Variants in TOX observed in about 807,000 individuals in gnomAD.
TOX encodes thymocyte selection associated high mobility group box.
Under a neutral mutation model 53.7 loss-of-function variants are expected in TOX, and 11 were observed. The ratio of observed to expected loss-of-function variants is 0.20; its 90% CI spans 0.13 to 0.34. TOX has a LOEUF of 0.34. TOX is among the 10% of genes least tolerant of loss of function. The probability of loss-of-function intolerance (pLI) is 1.00; values close to 1 mark genes in which losing one functional copy is unlikely to be tolerated. For synonymous variants in TOX, 225 were observed against 245.3 expected (o/e 0.92, Z 0.77); for missense variants, 570 against 664.6 (o/e 0.86, Z 1.56).
chr8:59,039,327 C>G (rs1803531448), intron 1 of TOX, among the ~76,000 whole-genome samples: 1 of 152,162 alleles, frequency 6.6e-6, no homozygotes, highest in Non-Finnish European at 1.5e-5. Flanking sequence ...AAATATTTTC[C>G]AATCTTCTAA....
intron 4 of TOX, among the ~76,000 whole-genome samples, chr8:58,849,817 C>T (rs1810780103): frequency 6.6e-6 from 1 of 152,146 alleles, no homozygotes; most frequent in Admixed American, 6.5e-5. Flanking sequence ...TAGTACATAT[C>T]ATCTGTGTTT....
At chr8:58,868,830 A>G (rs552968812) in intron 3 of TOX, among the ~76,000 whole-genome samples, 76 of 151,632 alleles carry the variant, frequency 5.0e-4, no homozygotes, top group African/African-American at 1.8e-3. Context: ...AAATTAGAGG[A>G]GGATTCAATG....
intron 1 of TOX, among the ~76,000 whole-genome samples, chr8:59,062,349 C>T (rs1170015341): frequency 6.6e-6 from 1 of 152,194 alleles, no homozygotes; most frequent in East Asian, 1.9e-4. Context: ...AAGAACATGT[C>T]CAAATGAATC....
intron 4 of TOX, among the ~76,000 whole-genome samples, chr8:58,847,028 G>C (rs989494368): frequency 5.9e-5 from 9 of 152,062 alleles, no homozygotes; most frequent in Admixed American, 1.3e-4. Context: ...ACTCTATGTG[G>C]GTGGTCTGAA....
chr8:59,026,917 A>G (rs993904608), intron 1 of TOX, among the ~76,000 whole-genome samples: 12 of 140,700 alleles, frequency 8.5e-5, no homozygotes, highest in Admixed American at 3.5e-4. Context: ...AAAAAAAAAA[A>G]CCAAACCAGT....
intron 1 of TOX, among the ~76,000 whole-genome samples, chr8:58,980,229 G>A (rs1451933482): frequency 6.6e-6 from 1 of 152,122 alleles, no homozygotes; most frequent in Non-Finnish European, 1.5e-5. Flanking sequence ...GAAAGAAAGA[G>A]AGACAATCTG....
At position 58,817,843 on chromosome 8, in the gene TOX, AAT is replaced by A. The variant is rs201616066; in HGVS notation, c.1006-2121_1006-2120del. 5.2e-3 allele frequency among the ~76,000 whole-genome samples: 793 copies of A among 152,290 alleles called. 8 individuals carry two copies. Among genetic ancestry groups the A allele is most frequent in the African/African-American group, 0.018 (747 of 41,552 alleles). On this transcript the variant is annotated intron_variant, in intron 6 of 8. Coordinates refer to ENST00000361421, the MANE Select transcript of TOX (RefSeq NM_014729.3). ...CATTCTTGTATGATCAAAAGTAGAA[AAT>A]ATGTGTAACTGTAAAAATGTTTTCA...
chr8:59,089,828 C>T (rs1804579405), intron 1 of TOX, among the ~76,000 whole-genome samples: 1 of 152,202 alleles, frequency 6.6e-6, no homozygotes, highest in South Asian at 2.1e-4. Context: ...CAAGTGACCT[C>T]CTGTCTTGGC....
chr8:58,985,456 T>G (rs548598312), intron 1 of TOX, among the ~76,000 whole-genome samples: 33 of 152,252 alleles, frequency 2.2e-4, no homozygotes, highest in Non-Finnish European at 3.1e-4. Flanking sequence ...TAGTCAATAT[T>G]TATACAGACA....
At chr8:59,025,724 C>A (rs1251052018) in intron 1 of TOX, among the ~76,000 whole-genome samples, 3 of 152,160 alleles carry the variant, frequency 2.0e-5, no homozygotes, top group Non-Finnish European at 4.4e-5. Context: ...GGCTCTCCAG[C>A]TCCTGTTTCC....
intron 3 of TOX, among the ~76,000 whole-genome samples, chr8:58,890,929 G>C (rs1363833966): frequency 6.6e-6 from 1 of 152,104 alleles, no homozygotes; most frequent in Non-Finnish European, 1.5e-5. Context: ...CCAGTGAGAT[G>C]TCATAGAGCC....
chr8:58,991,356 G>C (rs1046857790), intron 1 of TOX, among the ~76,000 whole-genome samples: 13 of 152,218 alleles, frequency 8.5e-5, no homozygotes, highest in Admixed American at 7.9e-4. Flanking sequence ...TCGAGCACTA[G>C]AAGTCTGATT....
chr8:59,072,732 AT>A (rs1804220071), intron 1 of TOX, among the ~76,000 whole-genome samples: 2 of 152,142 alleles, frequency 1.3e-5, no homozygotes, highest in African/African-American at 4.8e-5. Context: ...ATTATTTCTA[AT>A]TCTTCCATTT....
At chr8:59,063,871 C>A (rs1804039522) in intron 1 of TOX, among the ~76,000 whole-genome samples, 1 of 151,718 alleles carries the variant, frequency 6.6e-6, no homozygotes, top group Non-Finnish European at 1.5e-5. Context: ...ATTTCTAATT[C>A]TTTTTGCTGT....
intron 4 of TOX, among the ~76,000 whole-genome samples, chr8:58,846,849 A>C (rs191321180): frequency 8.1e-4 from 124 of 152,296 alleles, no homozygotes; most frequent in Non-Finnish European, 2.4e-4. Context: ...AAGACGTAAA[A>C]GATTAGACTG....
chr8:58,959,839 T>C, intron 2 of TOX, 104 bp downstream of exon 2: 1 of 1,178,550 alleles, frequency 8.5e-7, no homozygotes, highest in African/African-American at 1.5e-5. Flanking sequence ...TTATGATTAT[T>C]CCTGATTGCG....
chr8:59,116,401 A>C (rs1052239735), intron 1 of TOX, among the ~76,000 whole-genome samples: 2 of 152,198 alleles, frequency 1.3e-5, no homozygotes, highest in Non-Finnish European at 2.9e-5. Context: ...ACCTTTTCCA[A>C]ACTTCTGTCC....
intron 1 of TOX, among the ~76,000 whole-genome samples, chr8:58,961,471 G>A (rs1464394902): frequency 6.6e-6 from 1 of 151,966 alleles, no homozygotes; most frequent in Non-Finnish European, 1.5e-5. Flanking sequence ...CTGTCAACTG[G>A]CTCATGAACC....
At chr8:58,979,906 A>C (rs1455612498) in intron 1 of TOX, among the ~76,000 whole-genome samples, 21 of 152,214 alleles carry the variant, frequency 1.4e-4, no homozygotes, top group Non-Finnish European at 2.9e-5. Flanking sequence ...ACTGCGTAAG[A>C]TAGAGCTCAG....
Sources: gnomAD v4.1 joint callset for allele counts (sites outside exome capture counted in the v4.1 genomes callset) on GRCh38, gnomAD v4.1.1 for gene constraint, MANE v1.5 for transcripts, NCBI Gene and HGNC (gene_info 2026-07-23, HGNC 2026-07-21) for gene names.